STK33: variants seen among roughly 807,000 people sequenced by gnomAD.
The protein encoded by STK33 is serine/threonine kinase 33.
A neutral mutation model predicts 58.0 loss-of-function variants in STK33; 52 were observed. The observed-to-expected ratio is 0.90, with a 90% CI of 0.72 to 1.13. The LOEUF (loss-of-function observed/expected upper bound fraction) is 1.13. Among genes scored for constraint, STK33 ranks in the 50% most tolerant of loss-of-function variants. STK33 has a pLI of 0.00. For missense variants in STK33, 630 were observed against 604.2 expected, an observed-to-expected ratio of 1.04 and a Z score of -0.45; for synonymous variants, 215 against 200.1, an observed-to-expected ratio of 1.07 and a Z score of -0.63.
the STK33 span, among the ~76,000 whole-genome samples, chr11:8,377,358 TTAAAA>T: frequency 6.6e-6 from 1 of 152,164 alleles, no homozygotes; most frequent in African/African-American, 2.4e-5. Flanking sequence ...ATAAACATAA[TTAAAA>T]TAAAAATCAT....
chr11:8,451,682 T>C (rs976186586), intron 11 of STK33, among the ~76,000 whole-genome samples: 2 of 152,198 alleles, frequency 1.3e-5, no homozygotes, highest in Admixed American at 6.5e-5. Context: ...GTGGTGATGG[T>C]TGCACAACTC....
chr11:8,418,821 G>A (rs1322344063), intron 14 of STK33, among the ~76,000 whole-genome samples: 1 of 152,094 alleles, frequency 6.6e-6, no homozygotes, highest in Non-Finnish European at 1.5e-5. Flanking sequence ...CTGTGGTCTT[G>A]ATTTGAATTT....
intron 15 of STK33, among the ~76,000 whole-genome samples, chr11:8,412,951 T>G (rs1241990725): frequency 6.6e-6 from 1 of 152,176 alleles, no homozygotes; most frequent in Non-Finnish European, 1.5e-5. Context: ...GGTAAAATAA[T>G]AAACCTATAT....
chr11:8,492,400 T>C (rs1403467930), intron 1 of STK33, among the ~76,000 whole-genome samples: 12 of 152,156 alleles, frequency 7.9e-5, no homozygotes, highest in Admixed American at 5.9e-4. Flanking sequence ...GAGCTAACTA[T>C]CCTAATTATA....
chr11:8,360,953 CT>C, the STK33 span, among the ~76,000 whole-genome samples: 20 of 152,352 alleles, frequency 1.3e-4, no homozygotes, highest in East Asian at 3.7e-3. Context: ...TTAATTACAT[CT>C]GCAAAATCCC....
At chr11:8,396,116 T>A (rs770818100) in intron 15 of STK33, among the ~76,000 whole-genome samples, 15 of 152,236 alleles carry the variant, frequency 9.9e-5, no homozygotes, top group African/African-American at 3.1e-4. Flanking sequence ...ATATATATAT[T>A]TTTTGAGGTG....
At chr11:8,375,529 T>C in the STK33 span, among the ~76,000 whole-genome samples, 1 of 152,240 alleles carries the variant, frequency 6.6e-6, no homozygotes, top group Non-Finnish European at 1.5e-5. Flanking sequence ...ATAATTGCTT[T>C]AGGATGTGTT....
intron 1 of STK33, among the ~76,000 whole-genome samples, chr11:8,491,404 A>C (rs1286544454): frequency 6.6e-6 from 1 of 152,204 alleles, no homozygotes; most frequent in Non-Finnish European, 1.5e-5. Flanking sequence ...AAAAAGAGTA[A>C]ACAGAAATGA....
intron 1 of STK33, among the ~76,000 whole-genome samples, chr11:8,573,798 T>G (rs1389458581): frequency 6.6e-6 from 1 of 152,210 alleles, no homozygotes; most frequent in Non-Finnish European, 1.5e-5. Context: ...GGAATTATGC[T>G]GAGTGAAAAA....
chr11:8,491,903 T>C (rs982246795), intron 1 of STK33, among the ~76,000 whole-genome samples: 1 of 152,192 alleles, frequency 6.6e-6, no homozygotes, highest in African/African-American at 2.4e-5. Context: ...CTGAGAGATT[T>C]TGTCACCACC....
the STK33 span, among the ~76,000 whole-genome samples, chr11:8,375,927 G>A: frequency 6.6e-6 from 1 of 152,218 alleles, no homozygotes; most frequent in Admixed American, 6.5e-5. Context: ...TTATAGTAGT[G>A]TGAAAATGGA....
At position 8,457,374 on chromosome 11, in the gene STK33, G is replaced by C; in HGVS notation, c.664C>G (p.Leu222Val). The change falls in exon 9 of 16, where the codon CTC (leucine) becomes GTC (valine). Residue 222 changes from leucine to valine, a missense_variant. Leu to Val is a conservative substitution (Grantham distance 32, BLOSUM62 1). Coordinates refer to ENST00000687296, the MANE Select transcript of STK33 (RefSeq NM_001352389.2). ...TGAAGATATGCTATAGCTGATGCGA[G>C]ACTTTGAATGATCCACCTTGTCTCA... is the stretch of plus-strand genomic sequence containing the variant. ...ENETRWIIQS[L>V]ASAIAYLHNN... 1 of 1,605,026 alleles carries C rather than the reference G, an allele frequency of 6.2e-7. No homozygotes were observed. The highest frequency in any genetic ancestry group is 8.5e-7 in the Non-Finnish European group (1 of 1,173,640).
chr11:8,447,606 T>C (rs1371821301), intron 11 of STK33, among the ~76,000 whole-genome samples: 1 of 152,186 alleles, frequency 6.6e-6, no homozygotes, highest in Non-Finnish European at 1.5e-5. Flanking sequence ...CTAAAAACTC[T>C]CAATAAATTA....
chr11:8,399,016 T>C (rs1466488749), intron 15 of STK33, among the ~76,000 whole-genome samples: 4 of 152,124 alleles, frequency 2.6e-5, no homozygotes, highest in African/African-American at 9.7e-5. Flanking sequence ...ACAATAATAA[T>C]GGGAGACTTT....
intron 11 of STK33, 93 bp from the exon 12 acceptor site, chr11:8,440,846 G>C (rs1171234280): frequency 1.6e-6 from 2 of 1,264,946 alleles, no homozygotes; most frequent in Non-Finnish European, 2.2e-6. Context: ...CTGATGTGCT[G>C]TAATTTATTC....
chr11:8,457,767 G>C (rs1054246410), intron 8 of STK33, among the ~76,000 whole-genome samples: 1 of 152,160 alleles, frequency 6.6e-6, no homozygotes, highest in Admixed American at 6.5e-5. Flanking sequence ...TCTGTCTAAA[G>C]AATGCCCCTT....
At chr11:8,452,086 C>T (rs949647585) in intron 11 of STK33, among the ~76,000 whole-genome samples, 7 of 152,166 alleles carry the variant, frequency 4.6e-5, no homozygotes, top group African/African-American at 1.7e-4. Context: ...GCCTGTAATC[C>T]CAGCTACTCT....
At chr11:8,365,566 A>G in the STK33 span, among the ~76,000 whole-genome samples, 192 of 152,142 alleles carry the variant, frequency 1.3e-3, 2 homozygotes, top group African/African-American at 4.5e-3. Flanking sequence ...GCCTCTGCCC[A>G]TGTCTGAATC....
intron 15 of STK33, among the ~76,000 whole-genome samples, chr11:8,407,734 A>G (rs1347052316): frequency 1.3e-5 from 2 of 152,124 alleles, no homozygotes; most frequent in East Asian, 3.9e-4. Flanking sequence ...ACGATATCAC[A>G]CTGTCTAATA....
Sources: gnomAD v4.1 joint callset for allele counts (sites outside exome capture counted in the v4.1 genomes callset) on GRCh38, gnomAD v4.1.1 for gene constraint, MANE v1.5 for transcripts, NCBI Gene and HGNC (gene_info 2026-07-23, HGNC 2026-07-21) for gene names.